Variants in NCAPD3 observed in about 807,000 individuals in gnomAD.
NCAPD3 encodes the protein condensin-2 complex subunit D3.
In NCAPD3, 105 loss-of-function variants were observed where a neutral mutation model predicts 182.9. The ratio of observed to expected loss-of-function variants is 0.57; its 90% CI spans 0.49 to 0.68. The LOEUF (loss-of-function observed/expected upper bound fraction) is 0.68. NCAPD3 is among the 30% of genes least tolerant of loss of function. The probability of loss-of-function intolerance (pLI) is 0.00; values close to 1 mark genes in which losing one functional copy is unlikely to be tolerated. For missense variants in NCAPD3, 1,944 were observed against 1,837.0 expected (o/e 1.06, Z -1.07); for synonymous variants, 815 against 679.9 (o/e 1.20, Z -3.09).
At position 134,181,122 on chromosome 11, in the gene NCAPD3, G is replaced by C. The variant is rs867473747; in HGVS notation, c.2514C>G (p.Ile838Met). 6.2e-7 allele frequency: 1 copy of C among 1,614,002 alleles called. No homozygotes were observed. Among genetic ancestry groups the C allele is most frequent in the Non-Finnish European group, 8.5e-7 (1 of 1,180,006 alleles). ...TCCCTGTTCCATTCTCCTTGAGAAC[G>C]ATGTTGGAGAGGCGGTGCTCGCAGG... Reference protein sequence around the residue: ...LSTCEHRLSNIVLKENGTGNM... With the variant: ...LSTCEHRLSNMVLKENGTGNM... Residue 838 changes from isoleucine (I) to methionine (M), a missense_variant, in exon 20 of 35, where the codon ATC becomes ATG. Transcript: ENST00000534548.
intron 24 of NCAPD3, among the ~76,000 whole-genome samples, chr11:134,172,804 G>A (rs1444442874): frequency 6.6e-6 from 1 of 152,040 alleles, no homozygotes; most frequent in Non-Finnish European, 1.5e-5. Context: ...TTGGGAGGCT[G>A]AGGTGAGAAG....
At chr11:134,218,156 C>T (rs1938100204) in intron 2 of NCAPD3, among the ~76,000 whole-genome samples, 1 of 148,496 alleles carries the variant, frequency 6.7e-6, no homozygotes, top group Non-Finnish European at 1.5e-5. Context: ...AGTGTCACAT[C>T]CTCATTCCTA....
chr11:134,193,361 G>A (rs998604706), intron 15 of NCAPD3, among the ~76,000 whole-genome samples: 3 of 152,092 alleles, frequency 2.0e-5, no homozygotes, highest in African/African-American at 7.2e-5. Context: ...TGCTTTTTTG[G>A]CAATATCATC....
In NCAPD3 at chr11:134,168,110, C is replaced by A; in HGVS notation, c.3459G>T (p.Glu1153Asp). ...TAGATCTCATTGCCAAAAGCTTGAT[C>A]TCCTTTGAGCTGAGGACCTCAAACG... ...SDTFEVLSSK[E>D]IKLLAMRSKP... is the part of the protein sequence containing the mutation. The change falls in exon 27 of 35, where the codon GAG (glutamate) becomes GAT (aspartate). Residue 1153 changes from glutamate (E) to aspartate (D), a missense_variant. By Grantham distance (45) the Glu-to-Asp change is conservative (BLOSUM62 2). Coordinates refer to ENST00000534548, the MANE Select transcript of NCAPD3 (RefSeq NM_015261.3). 1 of 1,614,144 alleles carries A rather than the reference C, an allele frequency of 6.2e-7. No homozygotes were observed. Among genetic ancestry groups the A allele is most frequent in the Non-Finnish European group, 8.5e-7 (1 of 1,179,998 alleles).
upstream of NCAPD3, chr11:134,224,939 C>T (rs961074009): frequency 3.5e-5 from 11 of 310,364 alleles, no homozygotes; most frequent in African/African-American, 2.2e-4. Flanking sequence ...CCGGCCGTGC[C>T]CCTCCCCCGT....
chr11:134,216,895 A>C (rs1938047033), intron 3 of NCAPD3, 41 bp downstream of exon 3: 4 of 1,541,866 alleles, frequency 2.6e-6, no homozygotes, highest in Non-Finnish European at 3.5e-6. Flanking sequence ...AGAAAGAAAA[A>C]AATGACAGAA....
intron 27 of NCAPD3, among the ~76,000 whole-genome samples, chr11:134,162,134 A>G (rs1943600023): frequency 6.6e-6 from 1 of 152,202 alleles, no homozygotes; most frequent in African/African-American, 2.4e-5. Context: ...TATATTCTAA[A>G]TGGGGAAAAA....
At chr11:134,216,866 T>C in intron 3 of NCAPD3, 70 bp downstream of exon 3, 2 of 1,443,090 alleles carry the variant, frequency 1.4e-6, no homozygotes, top group Non-Finnish European at 9.3e-7. Flanking sequence ...AGAAACAAAG[T>C]ATAAGAATTG....
chr11:134,153,690 A>C, intron 32 of NCAPD3: 14 of 353,228 alleles, frequency 4.0e-5, no homozygotes, highest in South Asian at 9.8e-5. Flanking sequence ...CACTTACTAC[A>C]CCTCCTACTG....
chr11:134,163,536 A>T (rs551784370), intron 27 of NCAPD3, among the ~76,000 whole-genome samples: 1 of 152,034 alleles, frequency 6.6e-6, no homozygotes, highest in African/African-American at 2.4e-5. Flanking sequence ...CATCTCTACT[A>T]AAAATACAAA....
At chr11:134,197,455 T>G (rs1944657324) in intron 13 of NCAPD3, among the ~76,000 whole-genome samples, 1 of 152,010 alleles carries the variant, frequency 6.6e-6, no homozygotes, top group Non-Finnish European at 1.5e-5. Context: ...TTTTGTATTT[T>G]TGGTAGAGAT....
intron 13 of NCAPD3, among the ~76,000 whole-genome samples, chr11:134,198,245 C>T (rs1314412001): frequency 6.6e-6 from 1 of 152,262 alleles, no homozygotes; most frequent in African/African-American, 2.4e-5. Context: ...CTGAAGGCTT[C>T]CTCTGCAGTA....
rs564349467 is a variant in NCAPD3, at chr11:134,176,836, G to A, written c.3021+383C>T. On this transcript the variant is annotated intron_variant, in intron 23 of 34. Transcript: ENST00000534548. ...TCCCACTGGACTTGCAGAGCCCAGCGCGAACACCATGATCCCCATTTGACG... is the reference window on the plus strand; with the variant it reads ...TCCCACTGGACTTGCAGAGCCCAGCACGAACACCATGATCCCCATTTGACG... 2.4e-4 allele frequency among the ~76,000 whole-genome samples: 37 copies of A among 152,318 alleles called. 2 individuals are homozygous for A. In the South Asian group the frequency reaches 7.2e-3, roughly 30 times the overall value.
chr11:134,215,849 C>T (rs961387112), intron 3 of NCAPD3, among the ~76,000 whole-genome samples: 2 of 152,144 alleles, frequency 1.3e-5, no homozygotes, highest in African/African-American at 4.8e-5. Flanking sequence ...CCAAAACGAT[C>T]CTGAAAAAGA....
chr11:134,225,023 C>T (rs1244542805), upstream of NCAPD3: 2 of 1,163,754 alleles, frequency 1.7e-6, no homozygotes, highest in Non-Finnish European at 2.2e-6. Flanking sequence ...CGGCCGAGCG[C>T]GCTCGCGCAT....
intron 24 of NCAPD3, among the ~76,000 whole-genome samples, chr11:134,174,364 C>A (rs1591835413): frequency 1.1e-5 from 1 of 93,420 alleles, no homozygotes; most frequent in East Asian, 3.6e-4. Context: ...GCCTGAGCAA[C>A]AGAATGAGAC....
At chr11:134,177,050 G>A (rs1015014549) in intron 23 of NCAPD3, among the ~76,000 whole-genome samples, 169 bp downstream of exon 23, 17 of 152,194 alleles carry the variant, frequency 1.1e-4, no homozygotes, top group African/African-American at 1.4e-4. Context: ...AAGTAACGCC[G>A]TTTAGAAGGT....
chr11:134,201,685 G>C (rs1254906456), intron 13 of NCAPD3, among the ~76,000 whole-genome samples: 2 of 152,312 alleles, frequency 1.3e-5, no homozygotes, highest in African/African-American at 4.8e-5. Context: ...TAATTTTTAA[G>C]CATCATTAAA....
intron 20 of NCAPD3, 81 bp from the exon 21 acceptor site, chr11:134,179,017 G>T: frequency 1.1e-6 from 1 of 885,970 alleles, no homozygotes; most frequent in Non-Finnish European, 1.8e-6. Flanking sequence ...TGTCAATGGA[G>T]TATTTCCTTT....
Sources: allele counts gnomAD v4.1 joint callset (sites outside exome capture counted in the v4.1 genomes callset), GRCh38; gene constraint gnomAD v4.1.1; transcripts MANE v1.5; gene names NCBI Gene and HGNC (gene_info 2026-07-23, HGNC 2026-07-21).